Variants in LAT2 observed in about 807,000 individuals in gnomAD.
The protein encoded by LAT2 is linker for activation of T cells family member 2, also known as linker for activation of T-cells family member 2.
LAT2 carries 23 observed loss-of-function variants against 43.4 expected under a neutral mutation model. The ratio of observed to expected loss-of-function variants is 0.53; its 90% CI spans 0.38 to 0.75. LAT2 has a LOEUF of 0.75. Ranked by LOEUF, LAT2 falls within the 30% of genes least tolerant of loss-of-function variation. The probability of loss-of-function intolerance (pLI) is 0.00; values close to 1 mark genes in which losing one functional copy is unlikely to be tolerated. For synonymous variants in LAT2, 128 were observed against 123.2 expected (o/e 1.04, Z -0.26); for missense variants, 284 against 310.2 (o/e 0.92, Z 0.64).
At chr7:74,217,297 G>T (rs1344938604) in intron 4 of LAT2, among the ~76,000 whole-genome samples, 8 of 152,060 alleles carry the variant, frequency 5.3e-5, no homozygotes, top group Non-Finnish European at 1.0e-4. Context: ...TGGGCGTGGT[G>T]GTGGGTCCCT....
chr7:74,219,879 G>A, intron 5 of LAT2, 81 bp from the exon 6 acceptor site: 1 of 1,611,978 alleles, frequency 6.2e-7, no homozygotes, highest in East Asian at 2.2e-5. Flanking sequence ...CCGTGGCCAG[G>A]CCTGATGTGG....
At chr7:74,221,410 C>CAAAAAAAAA (rs782694803) in intron 9 of LAT2, among the ~76,000 whole-genome samples, 1 of 21,074 alleles carries the variant, frequency 4.7e-5, no homozygotes, top group African/African-American at 1.3e-4. Flanking sequence ...GACTCTGTCT[C>CAAAAAAAAA]AAAAAAAAAA....
chr7:74,216,365 G>C (rs1259955874), intron 3 of LAT2, among the ~76,000 whole-genome samples: 5 of 152,004 alleles, frequency 3.3e-5, no homozygotes, highest in African/African-American at 1.2e-4. Flanking sequence ...AAAAGGGTGA[G>C]CAAATACCCT....
At chr7:74,224,905 A>C (rs1433497638) in intron 13 of LAT2, 145 bp downstream of exon 13, 1 of 592,866 alleles carries the variant, frequency 1.7e-6, no homozygotes, top group Non-Finnish European at 2.9e-6. Context: ...GTGCTCCAAG[A>C]GGGCAGCTTG....
chr7:74,214,229 A>AATATATATGAAAATATATATATAAATAT (rs1563966962), intron 1 of LAT2, among the ~76,000 whole-genome samples: 5 of 73,850 alleles, frequency 6.8e-5, no homozygotes, highest in Non-Finnish European at 1.2e-4. Context: ...TATATATGAA[A>AATATATATGAAAATATATATATAAATAT]ATATATATGA....
rs1489820583 is a variant in LAT2 at position 74,220,389 on chromosome 7, C to G, written c.265+135C>G. 31 of 1,257,686 alleles carry G rather than the reference C, an allele frequency of 2.5e-5. No homozygotes were observed. The highest frequency in any genetic ancestry group is 3.5e-5 in the Non-Finnish European group (31 of 880,548). 77.9% of individuals were successfully genotyped at this position (1,257,686 alleles called of 1,614,324 possible). A position where few individuals can be genotyped will look rare whatever the true frequency, so the allele number is the denominator to read the frequency against. On this transcript the variant is annotated intron_variant, in intron 7 of 13. Coordinates refer to ENST00000460943, the MANE Select transcript of LAT2 (RefSeq NM_032464.3). This position sits in a 1 kb window ranked among gnomAD's most constrained non-coding sequence, Gnocchi z 4.5. ...GGCCTCCCCAGGAGAGACACACAGGCTGGGGCAGGGCAGGCTCCTGGAATC... is the reference window on the plus strand; with the variant it reads ...GGCCTCCCCAGGAGAGACACACAGGGTGGGGCAGGGCAGGCTCCTGGAATC...
chr7:74,229,186 A>C lies in LAT2; in HGVS notation c.*261A>C, dbSNP rs1205358373. 2 of 152,244 alleles carry C rather than the reference A, an allele frequency of 1.3e-5. No homozygotes were observed. Among genetic ancestry groups the C allele is most frequent in the Non-Finnish European group, 2.9e-5 (2 of 68,064 alleles). 9.4% of individuals were successfully genotyped at this position (152,244 alleles called of 1,614,324 possible). On this transcript the variant is annotated 3_prime_UTR_variant, in exon 14 of 14. Transcript: ENST00000460943. ...CTTTGTGGGGCAGGCACCTGGTACC[A>C]AGGGTAACCCGGCTCCTGGTATGGA... is the stretch of plus-strand genomic sequence containing the variant.
rs1466722920 is a variant in LAT2, at chr7:74,228,936, C to T, written c.*19-8C>T. ...ACCTCCTTCTACAAACTTTCCTCTT[C>T]ATTTAAGGAGCCAAGGCAAAGAGGG... On this transcript the variant is annotated splice_polypyrimidine_tract_variant and splice_region_variant and intron_variant, in intron 13 of 13. Coordinates refer to ENST00000460943, the MANE Select transcript of LAT2 (RefSeq NM_032464.3). 1 of 152,258 alleles carries T rather than the reference C, an allele frequency of 6.6e-6. No individual in the cohort carries two copies. Among genetic ancestry groups the T allele is most frequent in the African/African-American group, 2.4e-5 (1 of 41,434 alleles). The allele number at this position is 152,258 out of a possible 1,614,324, so 9.4% of individuals were successfully genotyped here.
chr7:74,222,230 CAAAA>C (rs113312443), intron 10 of LAT2, among the ~76,000 whole-genome samples: 1 of 65,594 alleles, frequency 1.5e-5, no homozygotes. Flanking sequence ...TACAAAAATA[CAAAA>C]AAAAAAAAAA....
At chr7:74,213,790 G>A (rs1284763856) in intron 1 of LAT2, among the ~76,000 whole-genome samples, 1 of 151,908 alleles carries the variant, frequency 6.6e-6, no homozygotes, top group Non-Finnish European at 1.5e-5. Context: ...GGGATGGGGA[G>A]AAGCCCTCCT....
At position 74,214,203 on chromosome 7, in the gene LAT2, A is replaced by AAT. The variant is rs1477922089; in HGVS notation, c.-218-612_-218-611dup. On this transcript the variant is annotated intron_variant, in intron 1 of 13. Transcript: ENST00000460943. ...AAATATATATAAATATATATATGAA[A>AAT]ATATATATGAAAATATATATATGAA... Among the ~76,000 whole-genome samples, 4 of 87,954 alleles carry AAT rather than the reference A, an allele frequency of 4.5e-5. No individual in the cohort carries two copies. In the East Asian group the frequency reaches 9.2e-4, roughly 20 times the overall value. 57.7% of individuals were successfully genotyped at this position (87,954 alleles called of 152,430 possible).
chr7:74,228,280 T>G, intron 13 of LAT2, among the ~76,000 whole-genome samples: 1 of 137,422 alleles, frequency 7.3e-6, no homozygotes. Context: ...ATCGAGACCA[T>G]CCTGGCTAAC....
In LAT2 at chr7:74,219,768, G is replaced by A. The variant is rs782087080; in HGVS notation, c.159G>A (p.Thr53=). ...GGCGTGAGGACCAACAGAGCTTTAC[G>A]GGGTCCCGGACCTACTCCTGTGAGT... ...RSLREDQQSF[T]GSRTYSLVGQ... is the part of the protein sequence containing the mutation. The change falls in exon 5 of 14, where the codon ACG becomes ACA. Residue 53 remains threonine, a synonymous_variant. Transcript: ENST00000460943. The A allele has an allele frequency of 1.5e-5, 24 of 1,613,984 alleles. No individual in the cohort carries two copies. The highest frequency in any genetic ancestry group is 1.6e-4 in the Middle Eastern group (1 of 6,084).
At chr7:74,212,421 A>C (rs1214397544) in intron 1 of LAT2, among the ~76,000 whole-genome samples, 1 of 152,012 alleles carries the variant, frequency 6.6e-6, no homozygotes, top group Non-Finnish European at 1.5e-5. Context: ...AGCTGGAATT[A>C]CAGGCTTGCA....
intron 1 of LAT2, among the ~76,000 whole-genome samples, chr7:74,214,333 A>C (rs180768575): frequency 3.0e-5 from 1 of 33,574 alleles, no homozygotes; most frequent in African/African-American, 1.2e-4. Flanking sequence ...TATATATATA[A>C]ATATATATAT....
Position 74,220,449 on chromosome 7 carries a change from C to T in LAT2, c.266-135C>T. On this transcript the variant is annotated intron_variant, in intron 7 of 13. Coordinates refer to ENST00000460943, the MANE Select transcript of LAT2 (RefSeq NM_032464.3). This position sits in a 1 kb window ranked among gnomAD's most constrained non-coding sequence, Gnocchi z 4.5. ...GGGGGAGGGTGCACACTCGCACATGCCCCACTGAGGGGACAGGGAGCACTG... is the reference window on the plus strand; with the variant it reads ...GGGGGAGGGTGCACACTCGCACATGTCCCACTGAGGGGACAGGGAGCACTG... 1 of 1,270,512 alleles carries T rather than the reference C, an allele frequency of 7.9e-7. No homozygotes were observed. The highest frequency in any genetic ancestry group is 1.3e-5 in the South Asian group (1 of 79,446). 78.7% of individuals were successfully genotyped at this position (1,270,512 alleles called of 1,614,324 possible). A position where few individuals can be genotyped will look rare whatever the true frequency, so the allele number is the denominator to read the frequency against.
In LAT2 at chr7:74,222,662, C is replaced by A. The variant is rs889475115; in HGVS notation, c.388+970C>A. Among the ~76,000 whole-genome samples, 6 of 152,122 alleles carry A rather than the reference C, an allele frequency of 3.9e-5. No homozygotes were observed. The South Asian group carries it at 1.2e-3, about 32-fold the overall frequency. On this transcript the variant is annotated intron_variant, in intron 10 of 13. Transcript: ENST00000460943. ...GATCTTGGTTCACTGCAACCTCCGC[C>A]TCCCGGGTTCAAGCGATTTTCCTGC...
chr7:74,210,670 C>T (rs960390980), intron 1 of LAT2, among the ~76,000 whole-genome samples: 8 of 152,070 alleles, frequency 5.3e-5, no homozygotes, highest in African/African-American at 1.7e-4. Context: ...CAGGACCAGC[C>T]GGGCACGGTG....
At chr7:74,210,283 C>T (rs1029115269) in intron 1 of LAT2, among the ~76,000 whole-genome samples, 195 bp downstream of exon 1, 1 of 152,210 alleles carries the variant, frequency 6.6e-6, no homozygotes, top group Admixed American at 6.5e-5. Context: ...CTCTCTTGCC[C>T]TCGCCTTCCC....
Sources: gnomAD v4.1 joint callset for allele counts (sites outside exome capture counted in the v4.1 genomes callset) on GRCh38, gnomAD v4.1.1 for gene constraint, Gnocchi (gnomAD v3.1) non-coding constraint, MANE v1.5 for transcripts, NCBI Gene and HGNC (gene_info 2026-07-23, HGNC 2026-07-21) for gene names.